SLC6A2: variants seen among roughly 807,000 people sequenced by gnomAD.
SLC6A2 encodes the protein sodium-dependent noradrenaline transporter.
A neutral mutation model predicts 71.7 loss-of-function variants in SLC6A2; 26 were observed. The observed-to-expected ratio is 0.36, with a 90% CI of 0.27 to 0.50. The LOEUF is 0.50. SLC6A2 is among the 20% of genes least tolerant of loss of function. SLC6A2 has a pLI of 0.96. For missense variants in SLC6A2, 581 were observed against 803.9 expected (o/e 0.72, Z 3.35); for synonymous variants, 363 against 337.9 (o/e 1.07, Z -0.82).
chr16:55,681,692 G>A (rs1255213174), intron 4 of SLC6A2, among the ~76,000 whole-genome samples: 1 of 152,216 alleles, frequency 6.6e-6, no homozygotes, highest in Non-Finnish European at 1.5e-5. Flanking sequence ...CAGACTCAGG[G>A]TATATGTTTT....
chr16:55,694,911 C>T (rs1395396875), intron 7 of SLC6A2, among the ~76,000 whole-genome samples: 1 of 152,168 alleles, frequency 6.6e-6, no homozygotes, highest in African/African-American at 2.4e-5. Flanking sequence ...GTTCAGAGTA[C>T]ACCTTGGGAG....
At chr16:55,693,475 A>G (rs2142592807) in intron 6 of SLC6A2, among the ~76,000 whole-genome samples, 1 of 152,392 alleles carries the variant, frequency 6.6e-6, no homozygotes, top group South Asian at 2.1e-4. Flanking sequence ...GACCAGGGCT[A>G]GAACATGAGG....
intron 4 of SLC6A2, among the ~76,000 whole-genome samples, 169 bp downstream of exon 4, chr16:55,672,344 G>T (rs1964948430): frequency 6.6e-6 from 1 of 152,196 alleles, no homozygotes; most frequent in Non-Finnish European, 1.5e-5. Flanking sequence ...ACACGCCACG[G>T]TCGAGGTAGT....
At chr16:55,669,787 G>C in intron 3 of SLC6A2, 91 bp downstream of exon 3, 1 of 1,412,102 alleles carries the variant, frequency 7.1e-7, no homozygotes, top group Non-Finnish European at 1.0e-6. Flanking sequence ...ATCTAAGGTA[G>C]ACCTCCTGTC....
intron 5 of SLC6A2, among the ~76,000 whole-genome samples, chr16:55,686,166 T>C (rs1269787153): frequency 6.6e-6 from 1 of 152,162 alleles, no homozygotes; most frequent in Admixed American, 6.5e-5. Flanking sequence ...ATCAGCTGGG[T>C]GGTTCTTCTG....
chr16:55,683,451 A>G (rs1248841390), intron 4 of SLC6A2, among the ~76,000 whole-genome samples: 1 of 152,054 alleles, frequency 6.6e-6, no homozygotes, highest in Non-Finnish European at 1.5e-5. Flanking sequence ...ATCTCTACTA[A>G]AAATACAAAA....
Position 55,702,746 on chromosome 16 carries a change from C to CAA in SLC6A2, c.*400_*401insAA. ...ATGGGCTTTTGATCAGATACCCCTC[C>CAA]CAAAAAAAAAAAAAACTAAAACTAA... On this transcript the variant is annotated 3_prime_UTR_variant, in exon 15 of 15. Coordinates refer to ENST00000568943, the MANE Select transcript of SLC6A2 (RefSeq NM_001172501.3). The CAA allele has an allele frequency of 1.1e-4, 80 of 716,300 alleles. No homozygotes were observed. The Admixed American group carries it at 4.2e-3, about 38-fold the overall frequency. The allele number at this position is 716,300 out of a possible 1,614,324, so 44.4% of individuals were successfully genotyped here. A position where few individuals can be genotyped will look rare whatever the true frequency, so the allele number is the denominator to read the frequency against.
At chr16:55,664,195 G>A (rs1263438804) in intron 2 of SLC6A2, among the ~76,000 whole-genome samples, 4 of 152,114 alleles carry the variant, frequency 2.6e-5, no homozygotes, top group Admixed American at 6.5e-5. Flanking sequence ...GTTTGGCCTG[G>A]CGTATCCTGT....
chr16:55,666,384 C>T lies in SLC6A2; in HGVS notation c.275-3181C>T, dbSNP rs188477122. 1.1e-4 allele frequency among the ~76,000 whole-genome samples: 16 copies of T among 152,344 alleles called. No individual in the cohort carries two copies. The East Asian group carries it at 3.1e-3, about 29-fold the overall frequency. On this transcript the variant is annotated intron_variant, in intron 2 of 14. Transcript: ENST00000568943. ...CAACTTCAGTTGACTTCACTCATCC[C>T]TGGAGCTCCTTCCTGACTCTTCAAC...
In SLC6A2 at chr16:55,682,372, T is replaced by C. The variant is rs548666905; in HGVS notation, c.645-2771T>C. On this transcript the variant is annotated intron_variant, in intron 4 of 14. Coordinates refer to ENST00000568943, the MANE Select transcript of SLC6A2 (RefSeq NM_001172501.3). ...AATTTGCCACAAGTGATGGGAGGAGTTGCTAAGAGAAAGATTGAGAGTGTG... is the reference window on the plus strand; with the variant it reads ...AATTTGCCACAAGTGATGGGAGGAGCTGCTAAGAGAAAGATTGAGAGTGTG... 7.9e-5 allele frequency among the ~76,000 whole-genome samples: 12 copies of C among 152,036 alleles called. No homozygotes were observed. The East Asian group carries it at 1.7e-3, about 22-fold the overall frequency.
chr16:55,679,944 G>A (rs1965218310), intron 4 of SLC6A2, among the ~76,000 whole-genome samples: 1 of 152,192 alleles, frequency 6.6e-6, no homozygotes, highest in Admixed American at 6.5e-5. Context: ...ACACTGTCTT[G>A]TGTATCTGTG....
chr16:55,695,363 C>A lies in SLC6A2; in HGVS notation c.1108C>A (p.His370Asn). 1 of 1,614,206 alleles carries A rather than the reference C, an allele frequency of 6.2e-7. No individual in the cohort carries two copies. ...CTTCTCCATCCTTGGTTACATGGCC[C>A]ATGAACACAAGGTCAACATTGAGGA... Reference protein sequence around the residue: ...AIFSILGYMAHEHKVNIEDVA... With the variant: ...AIFSILGYMANEHKVNIEDVA... The change falls in exon 8 of 15, where the codon CAT becomes AAT. Residue 370 changes from histidine to asparagine, a missense_variant. By Grantham distance (68) the His-to-Asn change is moderately conservative. This residue lies in a region of SLC6A2 where 334 missense variants were observed against 449.0 expected (regional missense o/e 0.74). Transcript: ENST00000568943.
In SLC6A2 at chr16:55,675,119, T is replaced by A. The variant is rs140856342; in HGVS notation, c.644+2944T>A. On this transcript the variant is annotated intron_variant, in intron 4 of 14. Transcript: ENST00000568943. ...CTGAATCCTCTCAGCCTCTACTTCA[T>A]CCATTTATGTCCTTGAGGAGGGCGA... Among the ~76,000 whole-genome samples, 466 of 152,286 alleles carry A rather than the reference T, an allele frequency of 3.1e-3. 6 individuals are homozygous for A. In the South Asian group the frequency reaches 0.048, roughly 16 times the overall value.
At chr16:55,673,385 CT>C (rs1964984295) in intron 4 of SLC6A2, among the ~76,000 whole-genome samples, 1 of 152,062 alleles carries the variant, frequency 6.6e-6, no homozygotes, top group African/African-American at 2.4e-5. Context: ...AGTTATTTTC[CT>C]TTTTTAAGTA....
At chr16:55,687,859 G>GTAAGGCTGAGCATGCTCAGTTCC (rs1469212714) in intron 5 of SLC6A2, among the ~76,000 whole-genome samples, 2 of 152,228 alleles carry the variant, frequency 1.3e-5, no homozygotes, top group Non-Finnish European at 2.9e-5. Context: ...ACTGGGAGGA[G>GTAAGGCTGAGCATGCTCAGTTCC]TAAGGCTGAG....
chr16:55,683,748 C>T (rs1327379843), intron 4 of SLC6A2, among the ~76,000 whole-genome samples: 2 of 152,134 alleles, frequency 1.3e-5, no homozygotes, highest in East Asian at 1.9e-4. Flanking sequence ...ACCCGTTGAA[C>T]GCATCCAGTA....
intron 3 of SLC6A2, among the ~76,000 whole-genome samples, chr16:55,671,114 C>A (rs575993109): frequency 6.6e-6 from 1 of 152,092 alleles, no homozygotes; most frequent in Non-Finnish European, 1.5e-5. Flanking sequence ...AGAAGCAGTT[C>A]GGAGACAAGG....
chr16:55,660,334 A>C (rs1425084093), intron 2 of SLC6A2, among the ~76,000 whole-genome samples: 1 of 152,184 alleles, frequency 6.6e-6, no homozygotes, highest in Non-Finnish European at 1.5e-5. Context: ...TATACCAGTG[A>C]ATTTCCATTT....
At chr16:55,699,528 A>C in intron 11 of SLC6A2, 26 bp from the exon 12 acceptor site, 9 of 1,572,356 alleles carry the variant, frequency 5.7e-6, no homozygotes, top group African/African-American at 1.3e-5. Flanking sequence ...GGGCCATGGT[A>C]ACAGGCCTGC....
Sources: gnomAD v4.1 joint callset for allele counts (sites outside exome capture counted in the v4.1 genomes callset) on GRCh38, gnomAD v4.1.1 for gene constraint, gnomAD v4.1.1 regional missense constraint, MANE v1.5 for transcripts, NCBI Gene and HGNC (gene_info 2026-07-23, HGNC 2026-07-21) for gene names.